Variants in FAM193A observed in about 807,000 individuals in gnomAD.
FAM193A encodes the protein protein FAM193A.
FAM193A carries 22 observed loss-of-function variants against 126.5 expected under a neutral mutation model. That is an observed-to-expected ratio of 0.17 (90% CI 0.12 to 0.25). The LOEUF is 0.25. Among genes scored for constraint, FAM193A ranks in the 10% least tolerant of loss-of-function variants. FAM193A has a pLI of 1.00. For missense variants in FAM193A, 1,675 were observed against 1,672.8 expected, an observed-to-expected ratio of 1.00 and a Z score of -0.02; for synonymous variants, 761 against 646.8, an observed-to-expected ratio of 1.18 and a Z score of -2.68.
intron 2 of FAM193A, among the ~76,000 whole-genome samples, chr4:2,610,391 C>T (rs1275369306): frequency 6.6e-6 from 1 of 152,170 alleles, no homozygotes; most frequent in Non-Finnish European, 1.5e-5. Flanking sequence ...AATGCTTGCC[C>T]TGTTGGGTTT....
At chr4:2,723,333 T>C (rs1720368122) in intron 20 of FAM193A, among the ~76,000 whole-genome samples, 1 of 151,244 alleles carries the variant, frequency 6.6e-6, no homozygotes, top group Non-Finnish European at 1.5e-5. Context: ...AATCCCACTT[T>C]GGGAGGCCAA....
At chr4:2,558,300 A>C (rs935122098) in intron 1 of FAM193A, among the ~76,000 whole-genome samples, 8 of 152,164 alleles carry the variant, frequency 5.3e-5, no homozygotes, top group African/African-American at 1.9e-4. Flanking sequence ...AAAGAAAAAA[A>C]TAGTGTACTA....
At chr4:2,620,345 TGA>T (rs1742466418) in intron 2 of FAM193A, among the ~76,000 whole-genome samples, 1 of 152,172 alleles carries the variant, frequency 6.6e-6, no homozygotes, top group South Asian at 2.1e-4. Context: ...TGTACCATAG[TGA>T]GCAAGTAGAT....
intron 1 of FAM193A, among the ~76,000 whole-genome samples, chr4:2,540,719 G>C (rs1277434523): frequency 6.6e-6 from 1 of 152,122 alleles, no homozygotes; most frequent in Non-Finnish European, 1.5e-5. Flanking sequence ...CCAGCACTTT[G>C]GGAGGCTGAG....
chr4:2,645,042 G>A (rs1387365544), intron 6 of FAM193A, among the ~76,000 whole-genome samples: 1 of 151,424 alleles, frequency 6.6e-6, no homozygotes, highest in Non-Finnish European at 1.5e-5. Flanking sequence ...GAATGTGTGT[G>A]TGTGTGTGTG....
intron 7 of FAM193A, among the ~76,000 whole-genome samples, chr4:2,651,445 C>T (rs1312108164): frequency 6.6e-6 from 1 of 152,182 alleles, no homozygotes; most frequent in African/African-American, 2.4e-5. Context: ...AACTTATAAT[C>T]ATGGCGGAAG....
chr4:2,633,456 C>T lies in FAM193A; in HGVS notation c.1038+2287C>T, dbSNP rs145006368. On this transcript the variant is annotated intron_variant, in intron 5 of 20. Transcript: ENST00000637812. ...AATTTCTTGTGGCTTGAAAAAAATG[C>T]ATACACCCAGAAGCTGTTTGATTAG... 6.6e-5 allele frequency among the ~76,000 whole-genome samples: 10 copies of T among 152,032 alleles called. No individual in the cohort carries two copies. In the East Asian group the frequency reaches 9.7e-4, roughly 15 times the overall value.
chr4:2,585,886 GCTAC>G (rs1301329731), intron 1 of FAM193A, among the ~76,000 whole-genome samples: 2 of 152,144 alleles, frequency 1.3e-5, no homozygotes, highest in Non-Finnish European at 2.9e-5. Context: ...CCAAGATTGT[GCTAC>G]TGCACACCAG....
intron 19 of FAM193A, among the ~76,000 whole-genome samples, chr4:2,711,909 A>G (rs1207109392): frequency 2.0e-5 from 3 of 152,144 alleles, no homozygotes; most frequent in African/African-American, 7.2e-5. Flanking sequence ...CCTGGGAGAC[A>G]GAGCGAGACT....
chr4:2,691,774 T>A (rs1398150887), intron 15 of FAM193A, among the ~76,000 whole-genome samples: 6 of 136,392 alleles, frequency 4.4e-5, no homozygotes, highest in Non-Finnish European at 3.1e-5. Flanking sequence ...ACCCCGTCTC[T>A]AAAAAAAAAA....
At chr4:2,664,724 C>T (rs796269343) in intron 12 of FAM193A, among the ~76,000 whole-genome samples, 13 of 152,028 alleles carry the variant, frequency 8.6e-5, no homozygotes, top group Middle Eastern at 3.4e-3. Flanking sequence ...CCACCACGCC[C>T]GGCTAATTTT....
chr4:2,625,989 G>T (rs945684130), intron 3 of FAM193A, among the ~76,000 whole-genome samples: 1 of 152,120 alleles, frequency 6.6e-6, no homozygotes, highest in African/African-American at 2.4e-5. Flanking sequence ...CTCCCAGAGT[G>T]CTGGGATTAC....
chr4:2,569,090 C>T (rs1277138520), intron 1 of FAM193A, among the ~76,000 whole-genome samples: 2 of 151,524 alleles, frequency 1.3e-5, no homozygotes, highest in East Asian at 3.9e-4. Flanking sequence ...CTGCCTCAGC[C>T]TCCTGAGTAA....
At chr4:2,713,425 G>A (rs1719213005) in intron 19 of FAM193A, among the ~76,000 whole-genome samples, 1 of 152,050 alleles carries the variant, frequency 6.6e-6, no homozygotes, top group Admixed American at 6.6e-5. Flanking sequence ...AAAAAATTGG[G>A]GTATTAGGAA....
chr4:2,652,564 AG>A (rs540982370), intron 7 of FAM193A, among the ~76,000 whole-genome samples: 193 of 152,250 alleles, frequency 1.3e-3, no homozygotes, highest in Admixed American at 3.7e-3. Context: ...AGTAGGAGGA[AG>A]GGGGGTGGGG....
At chr4:2,570,155 C>G (rs751174843) in intron 1 of FAM193A, among the ~76,000 whole-genome samples, 1 of 151,300 alleles carries the variant, frequency 6.6e-6, no homozygotes, top group African/African-American at 2.4e-5. Flanking sequence ...CTTCAGAATC[C>G]GGGATTCTGG....
intron 6 of FAM193A, among the ~76,000 whole-genome samples, chr4:2,645,683 C>A (rs1436166803): frequency 6.6e-6 from 1 of 152,084 alleles, no homozygotes; most frequent in African/African-American, 2.4e-5. Flanking sequence ...TGTGCCACCA[C>A]ACCCAGCTAA....
At chr4:2,686,127 G>T (rs927855582) in intron 13 of FAM193A, among the ~76,000 whole-genome samples, 2 of 152,172 alleles carry the variant, frequency 1.3e-5, no homozygotes, top group African/African-American at 4.8e-5. Context: ...AGCTATTGAG[G>T]TCAGTAGGCA....
chr4:2,646,156 C>T (rs1457496563), intron 6 of FAM193A, among the ~76,000 whole-genome samples: 2 of 124,334 alleles, frequency 1.6e-5, no homozygotes, highest in African/African-American at 3.0e-5. Context: ...CTTTGAGCAT[C>T]TCCTTTTTTT....
Sources: gnomAD v4.1 joint callset for allele counts (sites outside exome capture counted in the v4.1 genomes callset) on GRCh38, gnomAD v4.1.1 for gene constraint, MANE v1.5 for transcripts, NCBI Gene and HGNC (gene_info 2026-07-23, HGNC 2026-07-21) for gene names.